SI: variants seen among roughly 807,000 people sequenced by gnomAD.
SI encodes the protein sucrase-isomaltase.
Under a neutral mutation model 253.3 loss-of-function variants are expected in SI, and 235 were observed. The observed-to-expected ratio is 0.93, with a 90% confidence interval of 0.83 to 1.03. The LOEUF (loss-of-function observed/expected upper bound fraction) is 1.03, where lower values mean the gene tolerates loss of function less well. SI is among the 50% of genes least tolerant of loss of function. SI has a pLI of 0.00. For missense variants in SI, 2,442 were observed against 2,211.1 expected (o/e 1.10, Z -2.09); for synonymous variants, 819 against 712.0 (o/e 1.15, Z -2.39).
chr3:164,996,391 A>T (rs955349132), intron 40 of SI, 144 bp downstream of exon 40: 3 of 620,044 alleles, frequency 4.8e-6, no homozygotes, highest in Admixed American at 2.4e-5. Flanking sequence ...ACTCAAAAAA[A>T]GTTCCTCCAG....
chr3:165,037,144 G>A (rs886562430), intron 21 of SI, among the ~76,000 whole-genome samples: 9 of 151,674 alleles, frequency 5.9e-5, no homozygotes, highest in Non-Finnish European at 1.3e-4. Flanking sequence ...GTCCATTCCA[G>A]AATGCCAAAA....
intron 35 of SI, among the ~76,000 whole-genome samples, chr3:165,008,844 A>G (rs1259991086): frequency 6.6e-6 from 1 of 151,876 alleles, no homozygotes; most frequent in Non-Finnish European, 1.5e-5. Context: ...TGCTATCTAA[A>G]AAAATATATT....
intron 16 of SI, among the ~76,000 whole-genome samples, chr3:165,046,189 T>A (rs542145731): frequency 2.6e-5 from 4 of 152,042 alleles, no homozygotes; most frequent in African/African-American, 9.7e-5. Context: ...ATTGATCGGG[T>A]TTTTGGTGTT....
intron 37 of SI, among the ~76,000 whole-genome samples, chr3:165,006,036 A>G (rs936039915): frequency 1.3e-5 from 2 of 152,216 alleles, no homozygotes; most frequent in African/African-American, 4.8e-5. Context: ...GCAGATAATT[A>G]CTATGATCAT....
At chr3:164,992,792 A>G (rs932613822) in intron 41 of SI, among the ~76,000 whole-genome samples, 8 of 151,946 alleles carry the variant, frequency 5.3e-5, no homozygotes, top group Non-Finnish European at 1.2e-4. Flanking sequence ...ATTTTAATTC[A>G]TTAATTTTAA....
At chr3:165,004,731 C>T (rs1227408279) in intron 37 of SI, among the ~76,000 whole-genome samples, 1 of 152,058 alleles carries the variant, frequency 6.6e-6, no homozygotes, top group Non-Finnish European at 1.5e-5. Context: ...ATTGTGGCTG[C>T]TAAAAATTTT....
chr3:164,995,738 A>G (rs1199747770), intron 40 of SI, among the ~76,000 whole-genome samples: 1 of 151,792 alleles, frequency 6.6e-6, no homozygotes, highest in African/African-American at 2.4e-5. Context: ...TTCCTAAAGC[A>G]GAATCTCTAT....
the SI span, among the ~76,000 whole-genome samples, chr3:165,089,493 C>T: frequency 8.5e-5 from 13 of 152,178 alleles, no homozygotes; most frequent in African/African-American, 2.9e-4. Flanking sequence ...GAATAAGGGG[C>T]CAGTGTGGCT....
chr3:165,017,031 T>TA (rs1257048818), intron 31 of SI, among the ~76,000 whole-genome samples: 1 of 151,894 alleles, frequency 6.6e-6, no homozygotes, highest in Non-Finnish European at 1.5e-5. Flanking sequence ...TTAATTTTGA[T>TA]AAAAAATGAG....
chr3:165,017,170 C>G (rs949910919), intron 31 of SI, among the ~76,000 whole-genome samples: 3 of 151,834 alleles, frequency 2.0e-5, no homozygotes, highest in Non-Finnish European at 2.9e-5. Flanking sequence ...CCACCTCCAA[C>G]TTGTTCTCTG....
chr3:165,007,852 T>C, intron 36 of SI, 59 bp downstream of exon 36: 1 of 685,338 alleles, frequency 1.5e-6, no homozygotes, highest in East Asian at 3.3e-5. Context: ...TTATATTATA[T>C]ACCTATTAAT....
chr3:165,077,486 G>A (rs1422570482), intron 1 of SI, among the ~76,000 whole-genome samples: 5 of 151,654 alleles, frequency 3.3e-5, no homozygotes, highest in African/African-American at 1.2e-4. Context: ...GCTTATAAAT[G>A]AATATCTGCA....
intron 15 of SI, among the ~76,000 whole-genome samples, chr3:165,047,228 G>C (rs544786478): frequency 7.9e-5 from 12 of 152,070 alleles, no homozygotes; most frequent in Middle Eastern, 3.4e-3. Context: ...TTCCTGCACT[G>C]TTCTTATGAT....
At chr3:164,988,275 T>A (rs1717539391) in intron 44 of SI, among the ~76,000 whole-genome samples, 1 of 152,198 alleles carries the variant, frequency 6.6e-6, no homozygotes, top group Non-Finnish European at 1.5e-5. Context: ...AGTAATTAGA[T>A]ATTTTCCAGT....
At chr3:165,014,118 G>A (rs1718908019) in intron 33 of SI, among the ~76,000 whole-genome samples, 1 of 152,168 alleles carries the variant, frequency 6.6e-6, no homozygotes, top group Non-Finnish European at 1.5e-5. Flanking sequence ...TGTTGATACA[G>A]TACAATCAAC....
At chr3:165,007,027 T>C (rs1718545829) in intron 36 of SI, 73 bp from the exon 37 acceptor site, 2 of 1,072,262 alleles carry the variant, frequency 1.9e-6, no homozygotes, top group South Asian at 1.4e-5. Context: ...CTCATAATTA[T>C]GTATTCCTTG....
intron 31 of SI, 150 bp downstream of exon 31, chr3:165,017,397 GT>G: frequency 1.5e-6 from 1 of 674,274 alleles, no homozygotes; most frequent in Non-Finnish European, 2.5e-6. Context: ...CAAAGACACT[GT>G]TTATAAATCT....
the SI span, among the ~76,000 whole-genome samples, chr3:165,090,189 G>T: frequency 3.3e-4 from 49 of 148,658 alleles, no homozygotes; most frequent in Non-Finnish European, 6.1e-4. Flanking sequence ...GAACCCCCCC[G>T]CATTGTCTCT....
rs1663253066 is a variant in SI, at chr3:165,006,883, C to T, written c.4339G>A (p.Gly1447Arg). 1 of 1,611,060 alleles carries T rather than the reference C, an allele frequency of 6.2e-7. No homozygotes were observed. The highest frequency in any genetic ancestry group is 8.5e-7 in the Non-Finnish European group (1 of 1,177,504). The change falls in exon 37 of 48, where the codon GGA becomes AGA. Residue 1447 changes from glycine (G) to arginine (R), a missense_variant. Transcript: ENST00000264382. ...CMEAEQILSD[G>R]TSVLHYDVHN... Reference sequence around the variant, plus strand: ...ACATCGTAATGCAAAACTGATGTTCCATCACTAAGAATCTGCTCAGCTTCC... The same window carrying T: ...ACATCGTAATGCAAAACTGATGTTCTATCACTAAGAATCTGCTCAGCTTCC...
Sources: gnomAD v4.1 joint callset for allele counts (sites outside exome capture counted in the v4.1 genomes callset) on GRCh38, gnomAD v4.1.1 for gene constraint, MANE v1.5 for transcripts, NCBI Gene and HGNC (gene_info 2026-07-23, HGNC 2026-07-21) for gene names.